TACR3: variants seen among roughly 807,000 people sequenced by gnomAD.
TACR3 encodes neuromedin-K receptor.
TACR3 carries 34 observed loss-of-function variants against 35.0 expected under a neutral mutation model. The observed-to-expected ratio is 0.97, with a 90% CI of 0.74 to 1.30. The LOEUF is 1.30. TACR3 is among the 50% of genes most tolerant of loss of function. The pLI, the probability that TACR3 is intolerant of heterozygous loss-of-function variation, is 0.00. For missense variants in TACR3, 558 were observed against 591.7 expected, an observed-to-expected ratio of 0.94 and a Z score of 0.59; for synonymous variants, 233 against 221.1, an observed-to-expected ratio of 1.05 and a Z score of -0.48.
Position 103,588,017 on chromosome 4 carries a change from TATC to T in TACR3, c.*1662_*1664del, listed in dbSNP as rs1217601364. On this transcript the variant is annotated 3_prime_UTR_variant, in exon 5 of 5. Coordinates refer to ENST00000304883, the MANE Select transcript of TACR3 (RefSeq NM_001059.3). ...GTGTGTGTGTCTCTTTGTTTATTGG[TATC>T]ATCAGAAGAAATTCAGCTGGAACAC... 6.6e-6 allele frequency: 1 copy of T among 151,936 alleles called. No individual in the cohort carries two copies. The highest frequency in any genetic ancestry group is 2.4e-5 in the African/African-American group (1 of 41,398). The allele number at this position is 151,936 out of a possible 1,614,324, so 9.4% of individuals were successfully genotyped here. A position where few individuals can be genotyped will look rare whatever the true frequency, so the allele number is the denominator to read the frequency against.
intron 1 of TACR3, among the ~76,000 whole-genome samples, chr4:103,718,424 C>T (rs983853879): frequency 6.6e-6 from 1 of 152,150 alleles, no homozygotes; most frequent in Admixed American, 6.5e-5. Flanking sequence ...TATGAGAAGG[C>T]AAAGGCACAT....
At chr4:103,643,206 C>T (rs1053699000) in intron 3 of TACR3, among the ~76,000 whole-genome samples, 7 of 151,730 alleles carry the variant, frequency 4.6e-5, no homozygotes, top group Non-Finnish European at 8.8e-5. Flanking sequence ...TAAACTTATT[C>T]ATTTGTTTGT....
At position 103,719,241 on chromosome 4, in the gene TACR3, G is replaced by A. The variant is rs199586035; in HGVS notation, c.435C>T (p.Tyr145=). The A allele has an allele frequency of 1.2e-5, 20 of 1,614,226 alleles. No individual in the cohort carries two copies. Among genetic ancestry groups the A allele is most frequent in the Admixed American group, 5.0e-5 (3 of 60,032 alleles). Residue 145 remains tyrosine (Y), a synonymous_variant, in exon 1 of 5, where the codon TAC becomes TAT. Coordinates refer to ENST00000304883, the MANE Select transcript of TACR3 (RefSeq NM_001059.3). ...CAAAGTACCACTCGCTATGAAGCGC[G>A]TAGATGAAATTGACCAACGTGTTGA... ...AAFNTLVNFI[Y]ALHSEWYFGA...
chr4:103,711,260 A>T (rs1448503600), intron 1 of TACR3, among the ~76,000 whole-genome samples: 2 of 152,126 alleles, frequency 1.3e-5, no homozygotes, highest in African/African-American at 4.8e-5. Context: ...ACTGGCAAAC[A>T]GAACCCAGCA....
intron 1 of TACR3, among the ~76,000 whole-genome samples, chr4:103,707,230 G>A (rs1209639583): frequency 6.6e-6 from 1 of 152,138 alleles, no homozygotes; most frequent in Non-Finnish European, 1.5e-5. Context: ...TGTATGTACT[G>A]TCTTTACAGA....
At chr4:103,665,121 T>C (rs552430937) in intron 1 of TACR3, among the ~76,000 whole-genome samples, 2 of 152,114 alleles carry the variant, frequency 1.3e-5, no homozygotes, top group South Asian at 4.2e-4. Context: ...CCCATAACTG[T>C]CTTAGACAAA....
At chr4:103,606,780 G>A (rs1007380783) in intron 3 of TACR3, among the ~76,000 whole-genome samples, 39 of 152,210 alleles carry the variant, frequency 2.6e-4, no homozygotes, top group African/African-American at 9.2e-4. Flanking sequence ...GGGACAATTT[G>A]ACTTCCTCTT....
At chr4:103,681,098 T>A (rs920131377) in intron 1 of TACR3, among the ~76,000 whole-genome samples, 1 of 152,030 alleles carries the variant, frequency 6.6e-6, no homozygotes, top group African/African-American at 2.4e-5. Flanking sequence ...CTCAACAGAT[T>A]TGCTTGTTTT....
At chr4:103,626,933 G>C (rs1724904584) in intron 3 of TACR3, among the ~76,000 whole-genome samples, 1 of 151,774 alleles carries the variant, frequency 6.6e-6, no homozygotes, top group East Asian at 1.9e-4. Context: ...CCAGCACTTT[G>C]GGAGATTGAG....
At chr4:103,591,710 C>T in intron 3 of TACR3, 27 bp from the exon 4 acceptor site, 1 of 1,579,816 alleles carries the variant, frequency 6.3e-7, no homozygotes, top group Non-Finnish European at 8.6e-7. Flanking sequence ...TCATTTTTGA[C>T]AAATATAATA....
intron 3 of TACR3, among the ~76,000 whole-genome samples, chr4:103,614,948 G>A (rs1270702188): frequency 8.2e-6 from 1 of 121,236 alleles, no homozygotes; most frequent in Admixed American, 1.0e-4. Flanking sequence ...AGTCTGGAGT[G>A]CAGTGGCGCG....
chr4:103,684,564 TA>T (rs1309327695), intron 1 of TACR3, among the ~76,000 whole-genome samples: 3 of 152,226 alleles, frequency 2.0e-5, no homozygotes, highest in African/African-American at 4.8e-5. Flanking sequence ...AAATAGGTGA[TA>T]AAAAGGCATC....
intron 3 of TACR3, among the ~76,000 whole-genome samples, chr4:103,598,935 A>G (rs961142737): frequency 2.6e-5 from 4 of 152,108 alleles, no homozygotes; most frequent in East Asian, 1.9e-4. Flanking sequence ...TTGGTGATGC[A>G]GGCTCTTTTT....
intron 1 of TACR3, among the ~76,000 whole-genome samples, chr4:103,697,720 A>C (rs918158819): frequency 1.3e-5 from 2 of 152,074 alleles, no homozygotes; most frequent in Non-Finnish European, 2.9e-5. Context: ...CACTGCGCCC[A>C]GCCGGCACTT....
Position 103,640,926 on chromosome 4 carries a change from A to G in TACR3, c.888+15268T>C, listed in dbSNP as rs1221409126. Among the ~76,000 whole-genome samples the G allele has an allele frequency of 2.0e-5, 3 of 151,910 alleles. No individual in the cohort carries two copies. The East Asian group carries it at 5.8e-4, about 30-fold the overall frequency. On this transcript the variant is annotated intron_variant, in intron 3 of 4. Transcript: ENST00000304883. ...TAGTTTAATGCAATCTTGTTTGTCT[A>G]TTTTGCTTTTGTTGCCAGTGCTTTG...
intron 3 of TACR3, among the ~76,000 whole-genome samples, chr4:103,625,718 T>C (rs1724873172): frequency 6.6e-6 from 1 of 152,096 alleles, no homozygotes; most frequent in Non-Finnish European, 1.5e-5. Context: ...ATCAAAGAGA[T>C]CAATATCTAA....
At chr4:103,684,023 T>A (rs1722174213) in intron 1 of TACR3, among the ~76,000 whole-genome samples, 1 of 152,084 alleles carries the variant, frequency 6.6e-6, no homozygotes, top group Non-Finnish European at 1.5e-5. Flanking sequence ...TTGATGAAGT[T>A]CAACGTCAAT....
intron 3 of TACR3, among the ~76,000 whole-genome samples, chr4:103,601,069 C>T (rs1032973999): frequency 4.6e-5 from 7 of 152,110 alleles, no homozygotes; most frequent in Non-Finnish European, 7.4e-5. Context: ...GTTAAAGTCT[C>T]CCATTATTAT....
At chr4:103,689,345 A>G (rs1292239286) in intron 1 of TACR3, among the ~76,000 whole-genome samples, 1 of 151,788 alleles carries the variant, frequency 6.6e-6, no homozygotes. Context: ...TCACATGTAT[A>G]CATATGTAAC....
Sources: gnomAD v4.1 joint callset for allele counts (sites outside exome capture counted in the v4.1 genomes callset) on GRCh38, gnomAD v4.1.1 for gene constraint, MANE v1.5 for transcripts, NCBI Gene and HGNC (gene_info 2026-07-23, HGNC 2026-07-21) for gene names.